The following ANKMY1 variants were observed in gnomAD, a reference collection of about 807,000 sequenced individuals.
ANKMY1 encodes the protein ankyrin repeat and MYND domain containing 1, also known as ankyrin repeat and MYND domain-containing protein 1.
Under a neutral mutation model 102.0 loss-of-function variants are expected in ANKMY1, and 98 were observed. The observed-to-expected ratio is 0.96, with a 90% confidence interval of 0.82 to 1.14. ANKMY1 has a LOEUF of 1.14. Ranked by LOEUF, ANKMY1 falls within the 50% of genes most tolerant of loss-of-function variation. ANKMY1 has a pLI of 0.00. For missense variants in ANKMY1, 1,330 were observed against 1,347.6 expected, an observed-to-expected ratio of 0.99 and a Z score of 0.20; for synonymous variants, 582 against 559.9, an observed-to-expected ratio of 1.04 and a Z score of -0.56.
chr2:240,529,117 G>A lies in ANKMY1; in HGVS notation c.873C>T (p.Phe291=), dbSNP rs755539130. The A allele has an allele frequency of 8.7e-6, 14 of 1,614,060 alleles. No homozygotes were observed. Among genetic ancestry groups the A allele is most frequent in the South Asian group, 2.2e-5 (2 of 91,076 alleles). Residue 291 remains phenylalanine (F), a synonymous_variant, in exon 5 of 18, where the codon TTC becomes TTT. Coordinates refer to ENST00000401804, the MANE Select transcript of ANKMY1 (RefSeq NM_001282771.3). The surrounding 1 kb of genome is among the most constrained non-coding windows in gnomAD (Gnocchi z 4.2). ...TGAACCATGGTTCTCCATCCTCAAC[G>A]AACGGAGGAATTTCATTGAGGAAGA... ...ARIFLNEIPP[F]VEDGEPWFII...
intron 15 of ANKMY1, among the ~76,000 whole-genome samples, chr2:240,489,334 T>C (rs1281985382): frequency 6.6e-6 from 1 of 152,034 alleles, no homozygotes; most frequent in Non-Finnish European, 1.5e-5. Context: ...CAGGCACCTG[T>C]AATCCCAGCT....
intron 15 of ANKMY1, among the ~76,000 whole-genome samples, chr2:240,496,356 AT>A (rs1340604697): frequency 9.6e-3 from 1 of 104 alleles, no homozygotes; most frequent in African/African-American, 0.071. Flanking sequence ...CTCTAATTAG[AT>A]AGATAGATAG....
At chr2:240,554,022 C>T (rs1295692941) in intron 3 of ANKMY1, 1 of 152,290 alleles carries the variant, frequency 6.6e-6, no homozygotes, top group African/African-American at 2.4e-5. Flanking sequence ...GCCATCCATG[C>T]TCACAGTCCA....
At chr2:240,516,040 T>C (rs2081143168) in intron 9 of ANKMY1, among the ~76,000 whole-genome samples, 1 of 151,170 alleles carries the variant, frequency 6.6e-6, no homozygotes, top group Non-Finnish European at 1.5e-5. Context: ...TTGAGTAAAC[T>C]GCAGGGAAAA....
At chr2:240,495,645 A>G (rs755371368) in intron 15 of ANKMY1, among the ~76,000 whole-genome samples, 1 of 152,042 alleles carries the variant, frequency 6.6e-6, no homozygotes, top group African/African-American at 2.4e-5. Flanking sequence ...CTTGTATCCA[A>G]TAAATAACAG....
At chr2:240,532,356 CA>C (rs1402083036) in intron 4 of ANKMY1, among the ~76,000 whole-genome samples, 1 of 152,152 alleles carries the variant, frequency 6.6e-6, no homozygotes, top group African/African-American at 2.4e-5. Flanking sequence ...AACTGATTCT[CA>C]GACAAGCAAA....
chr2:240,521,293 A>AGTCTCCAGACCC (rs367577107), intron 8 of ANKMY1, among the ~76,000 whole-genome samples: 29 of 152,084 alleles, frequency 1.9e-4, no homozygotes, highest in African/African-American at 6.5e-4. Flanking sequence ...CCTCCAGCCC[A>AGTCTCCAGACCC]GTCTCCAGAC....
chr2:240,538,521 G>A (rs1345479133), intron 4 of ANKMY1, among the ~76,000 whole-genome samples: 1 of 152,126 alleles, frequency 6.6e-6, no homozygotes, highest in Non-Finnish European at 1.5e-5. Flanking sequence ...TCCCCACGGG[G>A]CAGGGCTCGG....
At chr2:240,543,268 G>T (rs1335972637) in intron 4 of ANKMY1, among the ~76,000 whole-genome samples, 1 of 151,548 alleles carries the variant, frequency 6.6e-6, no homozygotes, top group Non-Finnish European at 1.5e-5. Context: ...CAGGAGAATG[G>T]CATGAACCTG....
At chr2:240,530,102 C>G (rs11681046) in intron 4 of ANKMY1, among the ~76,000 whole-genome samples, 36,702 of 152,144 alleles carry the variant, frequency 0.24, 4,780 homozygotes, top group Middle Eastern at 0.51. Flanking sequence ...GCAGCTCCCA[C>G]GCCTTTGCCT....
At chr2:240,560,842 G>T (rs1353690937), upstream of ANKMY1, 3 of 1,398,132 alleles carry the variant, frequency 2.1e-6, no homozygotes, top group African/African-American at 3.0e-5. Flanking sequence ...AACGTCTCCC[G>T]CCAGCAGCCC....
upstream of ANKMY1, chr2:240,560,697 G>A (rs2092906828): frequency 6.5e-7 from 1 of 1,527,802 alleles, no homozygotes; most frequent in Non-Finnish European, 8.7e-7. Flanking sequence ...GGGACCGGCA[G>A]AAGCTGGGCG....
intron 14 of ANKMY1, 146 bp downstream of exon 14, chr2:240,500,306 T>C: frequency 1.8e-6 from 2 of 1,129,098 alleles, no homozygotes; most frequent in Admixed American, 2.7e-5. Context: ...CTTTGGGGGG[T>C]TCACCTCTGC....
intron 5 of ANKMY1, chr2:240,527,100 A>T: frequency 1.9e-4 from 51 of 266,910 alleles, no homozygotes; most frequent in Non-Finnish European, 2.6e-4. Context: ...GGGTGGATGA[A>T]TGGATGGGTG....
downstream of ANKMY1, among the ~76,000 whole-genome samples, chr2:240,477,138 G>T (rs568260628): frequency 6.6e-6 from 1 of 152,228 alleles, no homozygotes; most frequent in African/African-American, 2.4e-5. Flanking sequence ...CCAACGTGGA[G>T]AAACCCCATC....
At position 240,557,198 on chromosome 2, in the gene ANKMY1, G is replaced by A. The variant is rs267599285; in HGVS notation, c.138C>T (p.Phe46=). 6 of 1,536,780 alleles carry A rather than the reference G, an allele frequency of 3.9e-6. No homozygotes were observed. The highest frequency in any genetic ancestry group is 1.2e-5 in the South Asian group (1 of 82,774). The change falls in exon 2 of 18, where the codon TTC becomes TTT. Residue 46 remains phenylalanine, a synonymous_variant. Coordinates refer to ENST00000401804, the MANE Select transcript of ANKMY1 (RefSeq NM_001282771.3). The part of the protein sequence containing the change: ...EPGSLKNYAV[F]ATRDVSAAPE... Reference sequence around the variant, plus strand: ...TGGAGGGTCCCCCGCACCTTGTGGCGAAGACAGCGTAGTTCTTCAGGGACC... The same window carrying A: ...TGGAGGGTCCCCCGCACCTTGTGGCAAAGACAGCGTAGTTCTTCAGGGACC...
At chr2:240,504,333 G>A (rs923316438) in intron 13 of ANKMY1, among the ~76,000 whole-genome samples, 1 of 152,198 alleles carries the variant, frequency 6.6e-6, no homozygotes, top group Non-Finnish European at 1.5e-5. Context: ...GATTCTCCAG[G>A]AGGCTACGGA....
chr2:240,479,244 C>T (rs1284098324), downstream of ANKMY1, among the ~76,000 whole-genome samples: 4 of 152,326 alleles, frequency 2.6e-5, no homozygotes, highest in Non-Finnish European at 5.9e-5. Context: ...CCAGGAGCTG[C>T]CCCCACCGCC....
chr2:240,500,384 G>T, intron 14 of ANKMY1, 68 bp downstream of exon 14: 1 of 1,473,598 alleles, frequency 6.8e-7, no homozygotes, highest in Non-Finnish European at 9.3e-7. Flanking sequence ...AGAAGCTAAT[G>T]CCCCAGCCGG....
Sources: gnomAD v4.1 joint callset for allele counts (sites outside exome capture counted in the v4.1 genomes callset) on GRCh38, gnomAD v4.1.1 for gene constraint, Gnocchi (gnomAD v3.1) non-coding constraint, MANE v1.5 for transcripts, NCBI Gene and HGNC (gene_info 2026-07-23, HGNC 2026-07-21) for gene names.